DNAJC15: variants seen among roughly 807,000 people sequenced by gnomAD.
The protein encoded by DNAJC15 is dnaJ homolog subfamily C member 15.
Under a neutral mutation model 22.4 loss-of-function variants are expected in DNAJC15, and 27 were observed. The ratio of observed to expected loss-of-function variants is 1.20; its 90% CI spans 0.89 to 1.66. The LOEUF (loss-of-function observed/expected upper bound fraction) is 1.66. DNAJC15 is among the 40% of genes most tolerant of loss of function. The probability of loss-of-function intolerance (pLI) is 0.00; values close to 1 mark genes in which losing one functional copy is unlikely to be tolerated. For synonymous variants in DNAJC15, 79 were observed against 63.2 expected (o/e 1.25, Z -1.19); for missense variants, 208 against 187.1 (o/e 1.11, Z -0.65).
chr13:43,059,840 AATGTT>A (rs1271486075), intron 1 of DNAJC15, among the ~76,000 whole-genome samples: 5 of 152,268 alleles, frequency 3.3e-5, no homozygotes, highest in African/African-American at 1.2e-4. Context: ...AGTTAGGAGC[AATGTT>A]TCGCGGGCAT....
intron 2 of DNAJC15, among the ~76,000 whole-genome samples, chr13:43,067,163 T>C (rs1182590310): frequency 2.6e-5 from 4 of 152,244 alleles, no homozygotes; most frequent in Non-Finnish European, 4.4e-5. Context: ...TAGTAAGATC[T>C]GATAGAAAAA....
chr13:43,060,048 AC>A (rs1426704509), intron 1 of DNAJC15, among the ~76,000 whole-genome samples: 2 of 152,260 alleles, frequency 1.3e-5, no homozygotes, highest in African/African-American at 4.8e-5. Flanking sequence ...CTGGATGTAT[AC>A]GTGCAGGTCA....
chr13:43,065,070 A>C (rs1241113308), intron 1 of DNAJC15, among the ~76,000 whole-genome samples: 1 of 152,170 alleles, frequency 6.6e-6, no homozygotes. Flanking sequence ...GAGATGTTTA[A>C]GGAGAAAAGC....
chr13:43,061,772 GATCTAC>G (rs1158843998), intron 1 of DNAJC15, among the ~76,000 whole-genome samples: 3 of 152,248 alleles, frequency 2.0e-5, no homozygotes, highest in Non-Finnish European at 4.4e-5. Flanking sequence ...TTGCCCCCAT[GATCTAC>G]GCAGCTCCTG....
At chr13:43,039,850 C>T (rs1407906683) in intron 1 of DNAJC15, among the ~76,000 whole-genome samples, 1 of 152,110 alleles carries the variant, frequency 6.6e-6, no homozygotes, top group Non-Finnish European at 1.5e-5. Flanking sequence ...GGAACCTCAT[C>T]TCTACTAAAA....
chr13:43,089,426 GGA>G (rs1274583442), intron 5 of DNAJC15, among the ~76,000 whole-genome samples: 2 of 152,160 alleles, frequency 1.3e-5, no homozygotes, highest in African/African-American at 4.8e-5. Context: ...ATAAAACACA[GGA>G]GAGAGGCAAC....
chr13:43,045,279 C>T lies in DNAJC15; in HGVS notation c.109-20407C>T, dbSNP rs529684563. On this transcript the variant is annotated intron_variant, in intron 1 of 5. Coordinates refer to ENST00000379221, the MANE Select transcript of DNAJC15 (RefSeq NM_013238.3). ...CCAAAAGTCATTTTTTTCAGTGAAGCTTGCCCTACTCACTTTAAATTTGTT... is the reference window on the plus strand; with the variant it reads ...CCAAAAGTCATTTTTTTCAGTGAAGTTTGCCCTACTCACTTTAAATTTGTT... Among the ~76,000 whole-genome samples the T allele has an allele frequency of 5.9e-5, 9 of 152,232 alleles. No homozygotes were observed. The South Asian group carries it at 1.9e-3, about 32-fold the overall frequency.
At chr13:43,100,924 T>C (rs1324197873) in intron 5 of DNAJC15, among the ~76,000 whole-genome samples, 1 of 152,250 alleles carries the variant, frequency 6.6e-6, no homozygotes, top group African/African-American at 2.4e-5. Context: ...TCATATATTT[T>C]GGTGCTCTAT....
chr13:43,060,060 C>T (rs532438460), intron 1 of DNAJC15, among the ~76,000 whole-genome samples: 37 of 152,292 alleles, frequency 2.4e-4, no homozygotes, highest in African/African-American at 7.9e-4. Context: ...GTGCAGGTCA[C>T]AAGGGATATG....
intron 1 of DNAJC15, among the ~76,000 whole-genome samples, chr13:43,024,893 T>TAAAAAAAGAAAAAAAAAAAA (rs2040372681): frequency 1.2e-5 from 1 of 85,946 alleles, no homozygotes; most frequent in Admixed American, 1.3e-4. Flanking sequence ...CCATCTCTGC[T>TAAAAAAAGAAAAAAAAAAAA]AAAAAAAAAA....
intron 1 of DNAJC15, among the ~76,000 whole-genome samples, chr13:43,059,147 C>T (rs114547319): frequency 7.4e-4 from 110 of 148,014 alleles, no homozygotes; most frequent in African/African-American, 2.5e-3. Context: ...TCCTCTCCAC[C>T]GTTTTTTTCT....
At chr13:43,099,535 A>G (rs2040757025) in intron 5 of DNAJC15, among the ~76,000 whole-genome samples, 1 of 152,210 alleles carries the variant, frequency 6.6e-6, no homozygotes, top group Non-Finnish European at 1.5e-5. Flanking sequence ...ATCTACAAAC[A>G]TACTAACACT....
intron 5 of DNAJC15, among the ~76,000 whole-genome samples, chr13:43,094,982 T>G (rs549421642): frequency 5.3e-5 from 8 of 152,354 alleles, no homozygotes; most frequent in Admixed American, 1.3e-4. Context: ...CCTGTAACAC[T>G]AATTCAACAG....
At chr13:43,082,307 C>T (rs9315986) in intron 4 of DNAJC15, among the ~76,000 whole-genome samples, 1 of 151,882 alleles carries the variant, frequency 6.6e-6, no homozygotes, top group Non-Finnish European at 1.5e-5. Context: ...GGTCTAGGTA[C>T]CATCATATTT....
chr13:43,040,033 G>GA (rs1491068571), intron 1 of DNAJC15, among the ~76,000 whole-genome samples: 4 of 151,510 alleles, frequency 2.6e-5, no homozygotes, highest in Non-Finnish European at 4.4e-5. Context: ...GAGAGAGAGA[G>GA]AAAAAGAAAT....
In DNAJC15 at chr13:43,111,768, G is replaced by A. The variant is rs2153442713; in HGVS notation, c.*4520G>A. 6.6e-6 allele frequency: 1 copy of A among 152,368 alleles called. No individual in the cohort carries two copies. The highest frequency in any genetic ancestry group is 2.1e-4 in the South Asian group (1 of 4,832). 9.4% of individuals were successfully genotyped at this position (152,368 alleles called of 1,614,324 possible). ...ACTAGATGGAGGCTCCTGGCTGCAA[G>A]GAGGATTTGATGGGAATGAGTAAAT... On this transcript the variant is annotated 3_prime_UTR_variant, in exon 6 of 6. Coordinates refer to ENST00000379221, the MANE Select transcript of DNAJC15 (RefSeq NM_013238.3).
chr13:43,065,568 A>G, intron 1 of DNAJC15, 118 bp from the exon 2 acceptor site: 3 of 815,304 alleles, frequency 3.7e-6, no homozygotes, highest in Non-Finnish European at 4.0e-6. Flanking sequence ...CCTGATCTTC[A>G]CAGTAGAGCT....
At position 43,051,353 on chromosome 13, in the gene DNAJC15, C is replaced by A. The variant is rs1593314810; in HGVS notation, c.109-14333C>A. On this transcript the variant is annotated intron_variant, in intron 1 of 5. Coordinates refer to ENST00000379221, the MANE Select transcript of DNAJC15 (RefSeq NM_013238.3). ...ACATGGATAAGTTCTTTAGTGGTGACATCTGAGATTTTAGTGTACTCATCA... is the reference window on the plus strand; with the variant it reads ...ACATGGATAAGTTCTTTAGTGGTGAAATCTGAGATTTTAGTGTACTCATCA... Among the ~76,000 whole-genome samples the A allele has an allele frequency of 5.9e-5, 9 of 152,206 alleles. No individual in the cohort carries two copies. In the East Asian group the frequency reaches 1.7e-3, roughly 29 times the overall value.
chr13:43,029,227 A>C (rs2040393892), intron 1 of DNAJC15, among the ~76,000 whole-genome samples: 1 of 152,186 alleles, frequency 6.6e-6, no homozygotes, highest in African/African-American at 2.4e-5. Context: ...ATGCCAAATA[A>C]ATGTTTATAT....
Sources: gnomAD v4.1 joint callset for allele counts (sites outside exome capture counted in the v4.1 genomes callset) on GRCh38, gnomAD v4.1.1 for gene constraint, MANE v1.5 for transcripts, NCBI Gene and HGNC (gene_info 2026-07-23, HGNC 2026-07-21) for gene names.